UCHL3: variants seen among roughly 807,000 people sequenced by gnomAD.
The protein encoded by UCHL3 is ubiquitin carboxyl-terminal hydrolase isozyme L3.
In UCHL3, 22 loss-of-function variants were observed where a neutral mutation model predicts 35.8. The ratio of observed to expected loss-of-function variants is 0.61; its 90% confidence interval spans 0.44 to 0.88. The LOEUF is 0.88. Among genes scored for constraint, UCHL3 ranks in the 40% least tolerant of loss-of-function variants. UCHL3 has a pLI of 0.00. For missense variants in UCHL3, 229 were observed against 276.9 expected (o/e 0.83, Z 1.23); for synonymous variants, 90 against 92.8 (o/e 0.97, Z 0.17).
At chr13:75,573,260 G>A (rs946039861) in intron 6 of UCHL3, among the ~76,000 whole-genome samples, 5 of 84,740 alleles carry the variant, frequency 5.9e-5, no homozygotes, top group Admixed American at 2.9e-4. Flanking sequence ...GCGAGACTCT[G>A]TCTCAGAAAA....
intron 6 of UCHL3, chr13:75,590,238 C>T (rs1158162600): frequency 1.7e-6 from 2 of 1,193,086 alleles, no homozygotes; most frequent in African/African-American, 3.2e-5. Context: ...TTCACTCAAC[C>T]ATTAGCTTTT....
chr13:75,553,734 TA>T (rs1460299438), intron 2 of UCHL3, among the ~76,000 whole-genome samples: 2 of 152,240 alleles, frequency 1.3e-5, no homozygotes, highest in Non-Finnish European at 2.9e-5. Context: ...GAAACCTGTA[TA>T]TTCAGCTAAC....
chr13:75,581,272 C>T (rs1162244590), intron 6 of UCHL3, among the ~76,000 whole-genome samples: 1 of 151,864 alleles, frequency 6.6e-6, no homozygotes, highest in Non-Finnish European at 1.5e-5. Context: ...CCAAAACCCA[C>T]TTACTTTATT....
At position 75,566,789 on chromosome 13, in the gene UCHL3, A is replaced by G. The variant is rs778587420; in HGVS notation, c.278A>G (p.Asn93Ser). 15 of 1,611,618 alleles carry G rather than the reference A, an allele frequency of 9.3e-6. No individual in the cohort carries two copies. Among genetic ancestry groups the G allele is most frequent in the African/African-American group, 5.3e-5 (4 of 74,796 alleles). The part of the protein sequence containing the change: ...SVYFMKQTIS[N>S]ACGTIGLIHA... Reference sequence around the variant, plus strand: ...TATTTCATGAAGCAAACAATCAGCAATGCCTGTGGAACAATTGGACTGATT... The same window carrying G: ...TATTTCATGAAGCAAACAATCAGCAGTGCCTGTGGAACAATTGGACTGATT... The change falls in exon 4 of 9, where the codon AAT (asparagine) becomes AGT (serine). Residue 93 changes from asparagine to serine, a missense_variant. Transcript: ENST00000377595.
At chr13:75,592,447 T>TGTATATAC (rs2032524313) in intron 6 of UCHL3, among the ~76,000 whole-genome samples, 2 of 107,846 alleles carry the variant, frequency 1.9e-5, no homozygotes, top group Admixed American at 1.9e-4. Context: ...TATATATATA[T>TGTATATAC]ATATATATAT....
intron 6 of UCHL3, among the ~76,000 whole-genome samples, chr13:75,577,291 C>T (rs2032053316): frequency 6.6e-6 from 1 of 152,116 alleles, no homozygotes; most frequent in Non-Finnish European, 1.5e-5. Context: ...ATGGTTGTGT[C>T]TGTACTGAAT....
intron 5 of UCHL3, among the ~76,000 whole-genome samples, chr13:75,568,787 T>A (rs1018136412): frequency 3.9e-5 from 6 of 152,162 alleles, no homozygotes; most frequent in Non-Finnish European, 8.8e-5. Context: ...TATAAACTCC[T>A]AGAAGAGAAG....
intron 6 of UCHL3, among the ~76,000 whole-genome samples, chr13:75,592,468 G>GTATATATGTATATATATATATATAT (rs1201744829): frequency 2.6e-4 from 6 of 23,318 alleles, no homozygotes; most frequent in Non-Finnish European, 4.8e-4. Context: ...ATATATATAT[G>GTATATATGTATATATATATATATAT]AAGGAAAAAA....
intron 2 of UCHL3, 88 bp downstream of exon 2, chr13:75,550,075 A>G: frequency 6.3e-7 from 1 of 1,595,436 alleles, no homozygotes; most frequent in Non-Finnish European, 8.6e-7. Context: ...CCACGCTTCC[A>G]GGGATTCTGG....
intron 2 of UCHL3, among the ~76,000 whole-genome samples, chr13:75,560,461 C>A (rs1011379684): frequency 1.3e-5 from 2 of 152,168 alleles, no homozygotes; most frequent in Non-Finnish European, 2.9e-5. Context: ...TATCTCTTCT[C>A]ACCCTATTCA....
intron 3 of UCHL3, among the ~76,000 whole-genome samples, chr13:75,566,244 A>T (rs905087967): frequency 3.3e-5 from 5 of 152,226 alleles, no homozygotes; most frequent in African/African-American, 1.2e-4. Flanking sequence ...CTGACCTATA[A>T]CCACACTTAG....
intron 6 of UCHL3, among the ~76,000 whole-genome samples, chr13:75,592,435 T>TATATATATATATATATATATAC (rs2032514884): frequency 1.0e-5 from 1 of 98,760 alleles, no homozygotes. Flanking sequence ...TATATATATA[T>TATATATATATATATATATATAC]ATATATATAT....
At chr13:75,553,273 A>G (rs1318245463) in intron 2 of UCHL3, among the ~76,000 whole-genome samples, 2 of 152,204 alleles carry the variant, frequency 1.3e-5, no homozygotes, top group African/African-American at 4.8e-5. Context: ...AGCTGCTGCA[A>G]CTGCTACCTC....
At chr13:75,604,849 C>T (rs1450279735) in intron 8 of UCHL3, 22 bp downstream of exon 8, 1 of 1,567,276 alleles carries the variant, frequency 6.4e-7, no homozygotes, top group South Asian at 1.2e-5. Flanking sequence ...ACTTGTTGGC[C>T]CATCTTCATC....
At chr13:75,578,469 C>T (rs2032088610) in intron 6 of UCHL3, among the ~76,000 whole-genome samples, 1 of 152,106 alleles carries the variant, frequency 6.6e-6, no homozygotes, top group Non-Finnish European at 1.5e-5. Flanking sequence ...TGAGCACCTA[C>T]TGTACTAGGC....
chr13:75,587,397 T>G (rs1475613650), intron 6 of UCHL3, among the ~76,000 whole-genome samples: 5 of 152,018 alleles, frequency 3.3e-5, no homozygotes, highest in Admixed American at 2.0e-4. Flanking sequence ...ACTAGATAAC[T>G]GGCAAAATTA....
intron 6 of UCHL3, among the ~76,000 whole-genome samples, chr13:75,594,618 A>G (rs2032595731): frequency 6.6e-6 from 1 of 152,324 alleles, no homozygotes; most frequent in South Asian, 2.1e-4. Context: ...TATACTGTAT[A>G]CCAGGCATTG....
At chr13:75,600,512 A>T (rs2032754645) in intron 7 of UCHL3, among the ~76,000 whole-genome samples, 1 of 152,196 alleles carries the variant, frequency 6.6e-6, no homozygotes, top group Non-Finnish European at 1.5e-5. Context: ...AATGATGCTA[A>T]ATCTTCTCTG....
chr13:75,590,968 T>G (rs1342610956), intron 6 of UCHL3, among the ~76,000 whole-genome samples: 2 of 152,182 alleles, frequency 1.3e-5, no homozygotes, highest in African/African-American at 4.8e-5. Flanking sequence ...TTTGGACTAT[T>G]AAAGGCAATG....
Sources: allele counts gnomAD v4.1 joint callset (sites outside exome capture counted in the v4.1 genomes callset), GRCh38; gene constraint gnomAD v4.1.1; transcripts MANE v1.5; gene names NCBI Gene and HGNC (gene_info 2026-07-23, HGNC 2026-07-21).